DLGAP1: variants seen among roughly 807,000 people sequenced by gnomAD.
DLGAP1 encodes disks large-associated protein 1.
DLGAP1 carries 11 observed loss-of-function variants against 90.8 expected under a neutral mutation model. The observed-to-expected ratio is 0.12, with a 90% CI of 0.08 to 0.20. The LOEUF is 0.20. Among genes scored for constraint, DLGAP1 ranks in the 10% least tolerant of loss-of-function variants. DLGAP1 has a pLI of 1.00. For synonymous variants in DLGAP1, 558 were observed against 540.7 expected (o/e 1.03, Z -0.44); for missense variants, 1,050 against 1,333.8 (o/e 0.79, Z 3.31).
rs145258112 is a variant in DLGAP1 at position 4,352,633 on chromosome 18, A to G, written c.-267+102373T>C. Among the ~76,000 whole-genome samples the G allele has an allele frequency of 7.7e-3, 1,175 of 152,120 alleles. 11 individuals are homozygous for G. Among genetic ancestry groups the G allele is most frequent in the Middle Eastern group, 0.02 (6 of 294 alleles). On this transcript the variant is annotated intron_variant, in intron 1 of 12. Transcript: ENST00000315677. The stretch of plus-strand genomic sequence containing the variant: ...AACAATCTCTCACCCACTTACCCAC[A>G]CTTGACAACTTGTCTTTTCCATAAC...
chr18:3,674,018 C>T (rs8098748), intron 7 of DLGAP1, among the ~76,000 whole-genome samples: 92,981 of 151,238 alleles, frequency 0.61, 29,417 homozygotes, highest in African/African-American at 0.78. Flanking sequence ...AATTTTTATA[C>T]TTTAGCAGAG....
intron 3 of DLGAP1, among the ~76,000 whole-genome samples, chr18:4,002,664 G>A (rs1215524423): frequency 6.6e-6 from 1 of 152,156 alleles, no homozygotes; most frequent in African/African-American, 2.4e-5. Context: ...CCAGTCAATA[G>A]TAGATTATTA....
In DLGAP1 at chr18:4,342,742, ATTAAG is replaced by A. The variant is rs1175299621; in HGVS notation, c.-267+112259_-267+112263del. ...ATTCTTATACCTGCTTGCTTACACA[ATTAAG>A]TTATTTTAAAAGACACTGGAAATAA... On this transcript the variant is annotated intron_variant, in intron 1 of 12. Transcript: ENST00000315677. The surrounding 1 kb of genome is among the most constrained non-coding windows in gnomAD (Gnocchi z 5.8). 2.0e-5 allele frequency among the ~76,000 whole-genome samples: 3 copies of A among 152,294 alleles called. No homozygotes were observed. Among genetic ancestry groups the A allele is most frequent in the East Asian group, 3.9e-4 (2 of 5,182 alleles).
intron 3 of DLGAP1, among the ~76,000 whole-genome samples, chr18:3,973,720 T>C (rs2073505688): frequency 6.6e-6 from 1 of 152,208 alleles, no homozygotes; most frequent in African/African-American, 2.4e-5. Flanking sequence ...AAACTAAATC[T>C]AGGCTAGAAA....
intron 7 of DLGAP1, among the ~76,000 whole-genome samples, chr18:3,704,989 A>T (rs565039094): frequency 6.6e-6 from 1 of 152,222 alleles, no homozygotes; most frequent in Non-Finnish European, 1.5e-5. Flanking sequence ...CATTTATAAC[A>T]CTATATTTGG....
At chr18:4,200,293 T>A (rs1277650973) in intron 1 of DLGAP1, among the ~76,000 whole-genome samples, 2 of 152,006 alleles carry the variant, frequency 1.3e-5, no homozygotes, top group African/African-American at 4.8e-5. Flanking sequence ...GCCCTCATAA[T>A]TTCAGTTATT....
intron 2 of DLGAP1, among the ~76,000 whole-genome samples, chr18:4,091,857 T>C (rs1484921738): frequency 6.6e-6 from 1 of 151,666 alleles, no homozygotes; most frequent in African/African-American, 2.4e-5. Flanking sequence ...TAGGTCATAT[T>C]TGAGTCTAGT....
intron 1 of DLGAP1, among the ~76,000 whole-genome samples, chr18:4,382,240 C>T (rs527732099): frequency 6.9e-4 from 105 of 152,258 alleles, no homozygotes; most frequent in African/African-American, 2.4e-3. Flanking sequence ...GCTGGAGTCC[C>T]ATTCCCAGCA....
intron 1 of DLGAP1, among the ~76,000 whole-genome samples, chr18:4,154,177 C>A (rs1163141083): frequency 6.6e-6 from 1 of 151,828 alleles, no homozygotes; most frequent in Non-Finnish European, 1.5e-5. Flanking sequence ...TTCCTCCTGC[C>A]TCAGCCTCCA....
chr18:3,665,723 G>T (rs2059854839), intron 7 of DLGAP1, among the ~76,000 whole-genome samples: 1 of 152,174 alleles, frequency 6.6e-6, no homozygotes, highest in African/African-American at 2.4e-5. Flanking sequence ...CTTTTAAGAA[G>T]AAAACACCTC....
chr18:3,895,313 A>AT (rs2071591776), intron 3 of DLGAP1, among the ~76,000 whole-genome samples: 2 of 149,462 alleles, frequency 1.3e-5, no homozygotes, highest in South Asian at 4.3e-4. Flanking sequence ...ACACACACAC[A>AT]CACACACATC....
intron 4 of DLGAP1, among the ~76,000 whole-genome samples, chr18:3,843,266 G>A (rs922205402): frequency 6.6e-6 from 1 of 152,196 alleles, no homozygotes; most frequent in African/African-American, 2.4e-5. Flanking sequence ...TAACAACTTT[G>A]CATCTTATCT....
chr18:3,675,300 C>T (rs1297829657), intron 7 of DLGAP1, among the ~76,000 whole-genome samples: 2 of 152,082 alleles, frequency 1.3e-5, no homozygotes, highest in East Asian at 3.9e-4. Flanking sequence ...GTCTTGAACC[C>T]CTGACCTCAG....
At chr18:3,805,956 T>C (rs2066539593) in intron 5 of DLGAP1, among the ~76,000 whole-genome samples, 2 of 152,232 alleles carry the variant, frequency 1.3e-5, no homozygotes, top group African/African-American at 2.4e-5. Context: ...GGTTTATAGA[T>C]AGGAATGTTG....
intron 1 of DLGAP1, among the ~76,000 whole-genome samples, chr18:4,285,812 C>T (rs1458738788): frequency 1.3e-5 from 2 of 152,196 alleles, no homozygotes; most frequent in Admixed American, 1.3e-4. Flanking sequence ...GCTATTGCTA[C>T]AGGTGCAAAC....
Position 3,563,660 on chromosome 18 carries a change from G to A in DLGAP1, c.2057+3830C>T, listed in dbSNP as rs186404514. ...AATTTTTTATTTTTAGTAGAGATGGGGTTTCTCCATGTTGGCCAGGCTGGT... is the reference window on the plus strand; with the variant it reads ...AATTTTTTATTTTTAGTAGAGATGGAGTTTCTCCATGTTGGCCAGGCTGGT... On this transcript the variant is annotated intron_variant, in intron 9 of 12. Coordinates refer to ENST00000315677, the MANE Select transcript of DLGAP1 (RefSeq NM_004746.4). Among the ~76,000 whole-genome samples the A allele has an allele frequency of 6.3e-4, 95 of 151,960 alleles. 1 individual carries two copies. The Middle Eastern group carries it at 0.024, about 38-fold the overall frequency.
chr18:4,204,513 T>TTTTTTTG lies in DLGAP1; in HGVS notation c.-266-53227_-266-53226insCAAAAAA, dbSNP rs534609748. Reference sequence around the variant, plus strand: ...TAACTGACAGGACTGTTGTGGTTTTTTTTTTGTTTTTGTTTTTTTTTCTGA... The same window carrying TTTTTTTG: ...TAACTGACAGGACTGTTGTGGTTTTTTTTTTTGTTTTTGTTTTTGTTTTTTTTTCTGA... On this transcript the variant is annotated intron_variant, in intron 1 of 12. Transcript: ENST00000315677. 2.0e-3 allele frequency among the ~76,000 whole-genome samples: 304 copies of TTTTTTTG among 151,746 alleles called. 1 individual carries two copies. Among genetic ancestry groups the TTTTTTTG allele is most frequent in the Middle Eastern group, 0.014 (4 of 290 alleles).
At chr18:3,746,995 A>T (rs1275242267) in intron 5 of DLGAP1, among the ~76,000 whole-genome samples, 1 of 152,208 alleles carries the variant, frequency 6.6e-6, no homozygotes, top group African/African-American at 2.4e-5. Context: ...CTGAGGGAGA[A>T]ACCAAATTAA....
chr18:4,254,973 C>T (rs2078858632), intron 1 of DLGAP1, among the ~76,000 whole-genome samples: 1 of 152,176 alleles, frequency 6.6e-6, no homozygotes, highest in Admixed American at 6.5e-5. Context: ...CACGCTGAGC[C>T]TTGAAGAGGC....
Sources: gnomAD v4.1 joint callset for allele counts (sites outside exome capture counted in the v4.1 genomes callset) on GRCh38, gnomAD v4.1.1 for gene constraint, Gnocchi (gnomAD v3.1) non-coding constraint, MANE v1.5 for transcripts, NCBI Gene and HGNC (gene_info 2026-07-23, HGNC 2026-07-21) for gene names.